Variants in SENP1 observed in about 807,000 individuals in gnomAD.
SENP1 encodes the protein SUMO specific peptidase 1, also known as sentrin-specific protease 1.
SENP1 carries 21 observed loss-of-function variants against 93.0 expected under a neutral mutation model. The observed-to-expected ratio is 0.23, with a 90% CI of 0.16 to 0.33. The LOEUF is 0.33. Ranked by LOEUF, SENP1 falls within the 10% of genes least tolerant of loss-of-function variation. The probability of loss-of-function intolerance (pLI) is 1.00; values close to 1 mark genes in which losing one functional copy is unlikely to be tolerated. For missense variants in SENP1, 591 were observed against 758.7 expected, an observed-to-expected ratio of 0.78 and a Z score of 2.60; for synonymous variants, 256 against 259.6, an observed-to-expected ratio of 0.99 and a Z score of 0.13.
At chr12:48,078,634 C>T (rs1276115669) in intron 6 of SENP1, among the ~76,000 whole-genome samples, 1 of 151,890 alleles carries the variant, frequency 6.6e-6, no homozygotes, top group African/African-American at 2.4e-5. Context: ...AATTCTCCTG[C>T]CTCAGCCTCC....
At chr12:48,084,106 T>G (rs983749934) in intron 5 of SENP1, among the ~76,000 whole-genome samples, 1 of 152,256 alleles carries the variant, frequency 6.6e-6, no homozygotes, top group African/African-American at 2.4e-5. Flanking sequence ...GTTCCAGGTA[T>G]GCTAACAACA....
At chr12:48,086,317 G>A (rs1944856991) in intron 5 of SENP1, among the ~76,000 whole-genome samples, 1 of 152,154 alleles carries the variant, frequency 6.6e-6, no homozygotes, top group African/African-American at 2.4e-5. Flanking sequence ...CAATTAAGAA[G>A]TGTAAAAGTG....
At chr12:48,087,084 A>C (rs970958090) in intron 5 of SENP1, among the ~76,000 whole-genome samples, 6 of 151,818 alleles carry the variant, frequency 4.0e-5, no homozygotes, top group Admixed American at 1.3e-4. Context: ...CAAAACAAAA[A>C]AAGGCTGTTC....
At chr12:48,104,052 A>C (rs1229758081) in intron 1 of SENP1, among the ~76,000 whole-genome samples, 1 of 151,794 alleles carries the variant, frequency 6.6e-6, no homozygotes, top group Non-Finnish European at 1.5e-5. Flanking sequence ...CTCTACGAAA[A>C]ATACAAAAAT....
chr12:48,076,833 G>A (rs756701905), intron 6 of SENP1, among the ~76,000 whole-genome samples: 13 of 151,382 alleles, frequency 8.6e-5, no homozygotes, highest in Non-Finnish European at 1.6e-4. Context: ...TTTTAGTAGA[G>A]ACGGGGTTTC....
At chr12:48,053,490 A>G (rs1941978560) in intron 13 of SENP1, among the ~76,000 whole-genome samples, 1 of 151,712 alleles carries the variant, frequency 6.6e-6, no homozygotes, top group South Asian at 2.1e-4. Flanking sequence ...GAAAAAAAAA[A>G]AAAAAAAAAA....
chr12:48,096,064 T>A (rs1192324888), intron 4 of SENP1, among the ~76,000 whole-genome samples: 4 of 151,754 alleles, frequency 2.6e-5, no homozygotes, highest in Non-Finnish European at 4.4e-5. Flanking sequence ...CAAAAAAAGG[T>A]CAAAAACAAA....
intron 9 of SENP1, among the ~76,000 whole-genome samples, chr12:48,070,817 T>C (rs1943640690): frequency 6.6e-6 from 1 of 152,054 alleles, no homozygotes. Context: ...GCAGGCCGGG[T>C]GCAGTGGCTC....
intron 8 of SENP1, among the ~76,000 whole-genome samples, chr12:48,072,243 C>T (rs1943756891): frequency 6.6e-6 from 1 of 152,176 alleles, no homozygotes; most frequent in Non-Finnish European, 1.5e-5. Flanking sequence ...CTTTGTCCAG[C>T]ATATCCATGT....
chr12:48,099,038 G>A (rs894580067), intron 2 of SENP1: 2 of 151,942 alleles, frequency 1.3e-5, no homozygotes, highest in Non-Finnish European at 2.9e-5. Context: ...TAAAAATAAC[G>A]AGACCAGGCA....
intron 13 of SENP1, among the ~76,000 whole-genome samples, chr12:48,058,401 T>G (rs1178873594): frequency 6.6e-6 from 1 of 152,130 alleles, no homozygotes; most frequent in Non-Finnish European, 1.5e-5. Context: ...TTTGTTCTAT[T>G]TGTTCTTTTT....
intron 6 of SENP1, among the ~76,000 whole-genome samples, chr12:48,082,663 C>T (rs780995415): frequency 2.0e-5 from 3 of 152,210 alleles, no homozygotes; most frequent in Non-Finnish European, 4.4e-5. Flanking sequence ...TATGTGCACA[C>T]ATCCTATCAT....
At chr12:48,105,717 A>G in intron 1 of SENP1, 2 of 499,506 alleles carry the variant, frequency 4.0e-6, no homozygotes, top group South Asian at 4.2e-5. Flanking sequence ...CCTTTCCCCA[A>G]GTACGGCTGG....
chr12:48,069,152 CAAAAAAAAA>C (rs10564674), intron 9 of SENP1, among the ~76,000 whole-genome samples: 119 of 76,354 alleles, frequency 1.6e-3, no homozygotes, highest in Admixed American at 2.3e-3. Context: ...GACTCTGTCA[CAAAAAAAAA>C]AAAAAAAAAA....
intron 1 of SENP1, chr12:48,105,753 G>C: frequency 1.8e-6 from 1 of 546,138 alleles, no homozygotes; most frequent in Non-Finnish European, 3.3e-6. Flanking sequence ...CTGCTGTAAC[G>C]GCAGGGAGAC....
At chr12:48,047,976 C>T (rs1941496918) in intron 15 of SENP1, 25 bp downstream of exon 15, 1 of 1,520,086 alleles carries the variant, frequency 6.6e-7, no homozygotes, top group African/African-American at 1.4e-5. Context: ...ATATCAAACT[C>T]TTCTGTCCTC....
chr12:48,105,382 A>G (rs371809253), intron 1 of SENP1: 5 of 518,920 alleles, frequency 9.6e-6, no homozygotes, highest in Non-Finnish European at 1.9e-5. Context: ...ACCAAGAAAG[A>G]GACGGTTCAA....
chr12:48,105,718 G>C, intron 1 of SENP1: 1 of 501,724 alleles, frequency 2.0e-6, no homozygotes, highest in Non-Finnish European at 3.6e-6. Flanking sequence ...CTTTCCCCAA[G>C]TACGGCTGGG....
At chr12:48,095,155 T>C (rs1945472360) in intron 4 of SENP1, among the ~76,000 whole-genome samples, 1 of 152,108 alleles carries the variant, frequency 6.6e-6, no homozygotes, top group Non-Finnish European at 1.5e-5. Flanking sequence ...AGGGAGGAGA[T>C]CTCATCTTGC....
Sources: allele counts gnomAD v4.1 joint callset (sites outside exome capture counted in the v4.1 genomes callset), GRCh38; gene constraint gnomAD v4.1.1; transcripts MANE v1.5; gene names NCBI Gene and HGNC (gene_info 2026-07-23, HGNC 2026-07-21).